The following AFF2 variants were observed in gnomAD, a reference collection of about 807,000 sequenced individuals.
The protein encoded by AFF2 is ALF transcription elongation factor 2, also known as AF4/FMR2 family member 2.
A neutral mutation model predicts 76.9 loss-of-function variants in AFF2; 14 were observed. That is an observed-to-expected ratio of 0.18 (90% CI 0.12 to 0.28). The LOEUF (loss-of-function observed/expected upper bound fraction) is 0.28. AFF2 is among the 10% of genes least tolerant of loss of function. The pLI, the probability that AFF2 is intolerant of heterozygous loss-of-function variation, is 1.00. For synonymous variants in AFF2, 398 were observed against 366.7 expected, an observed-to-expected ratio of 1.09 and a Z score of -0.98; for missense variants, 868 against 1,001.1, an observed-to-expected ratio of 0.87 and a Z score of 1.79.
intron 1 of AFF2, among the ~76,000 whole-genome samples, chrX:148,543,381 A>G (rs1202304582): frequency 9.0e-6 from 1 of 111,433 alleles, no homozygotes; most frequent in East Asian, 2.8e-4. Flanking sequence ...TGGACCCCCT[A>G]CCCTGTGCCA....
intron 3 of AFF2, among the ~76,000 whole-genome samples, chrX:148,747,458 G>A (rs781910611): frequency 8.9e-6 from 1 of 111,908 alleles, no homozygotes; most frequent in Non-Finnish European, 1.9e-5. Flanking sequence ...AAGAGTAAAT[G>A]GAAGTAACAC....
chrX:148,579,992 C>T lies in AFF2; in HGVS notation c.48-72007C>T, dbSNP rs1265079159. Among the ~76,000 whole-genome samples, 9 of 111,695 alleles carry T rather than the reference C, an allele frequency of 8.1e-5. No homozygotes were observed. In the East Asian group the frequency reaches 1.4e-3, roughly 18 times the overall value. ...CTAATTTCCTTTGGGTCAGGCATCA[C>T]TATTGTGCAGATAGTGCATGATTTT... On this transcript the variant is annotated intron_variant, in intron 1 of 20. Coordinates refer to ENST00000370460, the MANE Select transcript of AFF2 (RefSeq NM_002025.4).
intron 1 of AFF2, among the ~76,000 whole-genome samples, chrX:148,550,071 A>G (rs1468947631): frequency 8.9e-6 from 1 of 111,790 alleles, no homozygotes; most frequent in African/African-American, 3.3e-5. Flanking sequence ...GAGAGTTGAC[A>G]GAATTCAGAT....
chrX:148,871,098 C>T (rs2070968946), intron 7 of AFF2, among the ~76,000 whole-genome samples: 1 of 111,196 alleles, frequency 9.0e-6, no homozygotes, highest in Non-Finnish European at 1.9e-5. Flanking sequence ...AGTGATGATG[C>T]CCTCTGCATG....
intron 7 of AFF2, among the ~76,000 whole-genome samples, chrX:148,847,485 C>T (rs2070681301): frequency 8.9e-6 from 1 of 111,893 alleles, no homozygotes; most frequent in South Asian, 3.8e-4. Context: ...ACCATGCTGT[C>T]GAGAATGCCT....
At chrX:148,652,934 C>G (rs564842607) in intron 2 of AFF2, among the ~76,000 whole-genome samples, 5 of 111,696 alleles carry the variant, frequency 4.5e-5, no homozygotes, top group African/African-American at 1.6e-4. Context: ...GTAAGAAGTA[C>G]AACAATAGAG....
At chrX:148,842,642 C>G (rs2070614523) in intron 5 of AFF2, among the ~76,000 whole-genome samples, 1 of 112,183 alleles carries the variant, frequency 8.9e-6, no homozygotes, top group African/African-American at 3.2e-5. Context: ...ACTTCAATTT[C>G]ACACATATGG....
chrX:148,538,010 TAG>T (rs782168175), intron 1 of AFF2, among the ~76,000 whole-genome samples: 2 of 111,977 alleles, frequency 1.8e-5, no homozygotes, highest in Non-Finnish European at 3.8e-5. Flanking sequence ...AGTTAAGAAA[TAG>T]ACTCAGACGT....
intron 1 of AFF2, among the ~76,000 whole-genome samples, chrX:148,513,041 A>G (rs1557233321): frequency 8.9e-6 from 1 of 111,811 alleles, no homozygotes; most frequent in African/African-American, 3.3e-5. Flanking sequence ...AGACGTTGCT[A>G]CTCTAAATAT....
At chrX:148,691,442 G>A in intron 3 of AFF2, among the ~76,000 whole-genome samples, 1 of 111,971 alleles carries the variant, frequency 8.9e-6, no homozygotes, top group South Asian at 3.7e-4. Context: ...TCATAGTCTA[G>A]AGCGGAGACA....
chrX:148,865,830 C>T (rs782730592), intron 7 of AFF2, among the ~76,000 whole-genome samples: 11 of 111,621 alleles, frequency 9.9e-5, no homozygotes, highest in Non-Finnish European at 1.9e-4. Flanking sequence ...TTGGAGTAGG[C>T]AGGAATCTTG....
intron 8 of AFF2, among the ~76,000 whole-genome samples, chrX:148,888,189 C>G (rs1312434881): frequency 9.1e-6 from 1 of 110,407 alleles, no homozygotes; most frequent in Admixed American, 9.6e-5. Context: ...CTCCCCATTT[C>G]CCCCTCCCCC....
In AFF2 at chrX:148,978,330, G is replaced by T. The variant is rs1557290512; in HGVS notation, c.3477-32G>T. 3 of 1,004,978 alleles carry T rather than the reference G, an allele frequency of 3.0e-6. No individual in the cohort carries two copies. The South Asian group carries it at 5.8e-5, about 20-fold the overall frequency. The allele number at this position is 1,004,978 out of a possible 1,213,427, so 82.8% of individuals were successfully genotyped here. A position where few individuals can be genotyped will look rare whatever the true frequency, so the allele number is the denominator to read the frequency against. On this transcript the variant is annotated intron_variant, in intron 17 of 20. Coordinates refer to ENST00000370460, the MANE Select transcript of AFF2 (RefSeq NM_002025.4). ...GTTTATAAAGTTTCACTAAGCACTG[G>T]CATTAACAGAAGCCTTTCCTCATCA... is the stretch of plus-strand genomic sequence containing the variant.
chrX:148,683,157 T>C (rs782490040), intron 3 of AFF2, among the ~76,000 whole-genome samples: 14 of 111,815 alleles, frequency 1.3e-4, no homozygotes, highest in African/African-American at 3.9e-4. Flanking sequence ...GAGCTGACTT[T>C]CTCAGCTGTA....
chrX:148,561,925 A>T (rs2053117633), intron 1 of AFF2, among the ~76,000 whole-genome samples: 1 of 111,721 alleles, frequency 9.0e-6, no homozygotes, highest in South Asian at 3.7e-4. Flanking sequence ...AATATTCATG[A>T]TCACTTCAAA....
chrX:148,773,704 A>AAG (rs1557268286), intron 3 of AFF2, among the ~76,000 whole-genome samples: 1 of 93,185 alleles, frequency 1.1e-5, no homozygotes, highest in Non-Finnish European at 2.0e-5. Context: ...GAAAGAAAGA[A>AAG]AGAAAGAAAG....
intron 3 of AFF2, among the ~76,000 whole-genome samples, chrX:148,781,161 C>T (rs782010529): frequency 8.9e-6 from 1 of 111,983 alleles, no homozygotes; most frequent in African/African-American, 3.2e-5. Context: ...CCAGCTGGAG[C>T]TCTCCTGTAT....
intron 1 of AFF2, among the ~76,000 whole-genome samples, chrX:148,581,126 T>TAC (rs2053366470): frequency 1.0e-5 from 1 of 100,288 alleles, no homozygotes; most frequent in African/African-American, 3.5e-5. Flanking sequence ...TACACACATA[T>TAC]ACGTATACGT....
intron 1 of AFF2, among the ~76,000 whole-genome samples, chrX:148,612,179 A>C (rs908612973): frequency 1.8e-5 from 2 of 111,903 alleles, no homozygotes; most frequent in African/African-American, 6.5e-5. Flanking sequence ...GTGGTAAGCT[A>C]TACACCATTT....
Sources: gnomAD v4.1 joint callset for allele counts (sites outside exome capture counted in the v4.1 genomes callset) on GRCh38, gnomAD v4.1.1 for gene constraint, MANE v1.5 for transcripts, NCBI Gene and HGNC (gene_info 2026-07-23, HGNC 2026-07-21) for gene names.